Variants in FAM20C observed in about 807,000 individuals in gnomAD.
The protein encoded by FAM20C is extracellular serine/threonine protein kinase FAM20C.
In FAM20C, 40 loss-of-function variants were observed where a neutral mutation model predicts 51.5. That is an observed-to-expected ratio of 0.78 (90% CI 0.60 to 1.01). The LOEUF is 1.01. Among genes scored for constraint, FAM20C ranks in the 50% least tolerant of loss-of-function variants. FAM20C has a pLI of 0.00. For synonymous variants in FAM20C, 406 were observed against 380.6 expected, an observed-to-expected ratio of 1.07 and a Z score of -0.78; for missense variants, 861 against 844.7, an observed-to-expected ratio of 1.02 and a Z score of -0.24.
chr7:200,814 G>A lies in FAM20C; in HGVS notation c.784+5082G>A, dbSNP rs565930845. On this transcript the variant is annotated intron_variant, in intron 2 of 9. Transcript: ENST00000313766. ...GTCACTTGAGGCCTCCAGGAGAGTC[G>A]AGGACTGGCAGATCCAGGTCCAGAG... Among the ~76,000 whole-genome samples, 20 of 152,240 alleles carry A rather than the reference G, an allele frequency of 1.3e-4. 1 individual carries two copies. The South Asian group carries it at 3.7e-3, about 28-fold the overall frequency.
At chr7:251,857 A>T (rs1050396817) in intron 5 of FAM20C, among the ~76,000 whole-genome samples, 1 of 152,150 alleles carries the variant, frequency 6.6e-6, no homozygotes, top group South Asian at 2.1e-4. Context: ...AGGCCCCAAC[A>T]GTTCCATGTC....
rs1787635393 is a variant in FAM20C, at chr7:230,705, A to G, written c.864-15710A>G. 2.0e-5 allele frequency among the ~76,000 whole-genome samples: 3 copies of G among 152,236 alleles called. No homozygotes were observed. In the South Asian group the frequency reaches 6.2e-4, roughly 32 times the overall value. Reference sequence around the variant, plus strand: ...TCTGAGGATAGAGCCTGGCACATGGAAAGTCCTGTGTGTTTACTGCCCTCA... The same window carrying G: ...TCTGAGGATAGAGCCTGGCACATGGGAAGTCCTGTGTGTTTACTGCCCTCA... On this transcript the variant is annotated intron_variant, in intron 3 of 9. Coordinates refer to ENST00000313766, the MANE Select transcript of FAM20C (RefSeq NM_020223.4).
intron 2 of FAM20C, among the ~76,000 whole-genome samples, chr7:208,190 G>T (rs1786527794): frequency 7.0e-6 from 1 of 142,806 alleles, no homozygotes. Context: ...TGTGTCGGGG[G>T]GTGTCTGTGG....
chr7:219,183 C>T (rs887052744), intron 3 of FAM20C, among the ~76,000 whole-genome samples: 22 of 152,160 alleles, frequency 1.4e-4, no homozygotes, highest in Admixed American at 1.1e-3. Context: ...CCACCTGGGG[C>T]GAGGTTTGAG....
chr7:230,110 G>A (rs559236051), intron 3 of FAM20C, among the ~76,000 whole-genome samples: 1 of 152,256 alleles, frequency 6.6e-6, no homozygotes, highest in East Asian at 1.9e-4. Context: ...GTCTTTGGAG[G>A]TGTGGTTAAA....
At chr7:250,403 G>T in intron 5 of FAM20C, among the ~76,000 whole-genome samples, 1 of 152,094 alleles carries the variant, frequency 6.6e-6, no homozygotes, top group East Asian at 1.9e-4. Context: ...CTGGCCCACT[G>T]GTGCCTGGCC....
intron 1 of FAM20C, 108 bp downstream of exon 1, chr7:193,912 G>C: frequency 6.4e-6 from 9 of 1,399,478 alleles, no homozygotes; most frequent in African/African-American, 1.5e-5. Flanking sequence ...AAGAGGCCGG[G>C]CAGGGAGTGT....
intron 5 of FAM20C, among the ~76,000 whole-genome samples, chr7:253,485 C>T (rs1788476239): frequency 6.6e-6 from 1 of 152,202 alleles, no homozygotes; most frequent in Non-Finnish European, 1.5e-5. Context: ...TGGCTTTCTC[C>T]TTGCTGTTTG....
In FAM20C at chr7:256,040, G is replaced by C. The variant is rs1357706759; in HGVS notation, c.1253+11G>C. 2 of 1,532,678 alleles carry C rather than the reference G, an allele frequency of 1.3e-6. No individual in the cohort carries two copies. The highest frequency in any genetic ancestry group is 1.2e-5 in the South Asian group (1 of 83,902). The allele number at this position is 1,532,678 out of a possible 1,614,324, so 94.9% of individuals were successfully genotyped here. ...GCGCAAGAAGGCCGAGTGAGTGCGG[G>C]GCCGGGGGGCTGGCGTCCGGCCACC... is the stretch of plus-strand genomic sequence containing the variant. On this transcript the variant is annotated intron_variant, in intron 6 of 9. Transcript: ENST00000313766.
At chr7:256,389 T>C in intron 6 of FAM20C, 1 of 572,730 alleles carries the variant, frequency 1.7e-6, no homozygotes, top group South Asian at 2.2e-5. Flanking sequence ...GTCCAGGTCC[T>C]GTTTCCCCAC....
chr7:259,025 C>T (rs1359524080), intron 9 of FAM20C, among the ~76,000 whole-genome samples: 1 of 152,252 alleles, frequency 6.6e-6, no homozygotes, highest in Non-Finnish European at 1.5e-5. Context: ...TGCTCCCGCA[C>T]GCAGCTGCCG....
intron 3 of FAM20C, among the ~76,000 whole-genome samples, chr7:224,074 C>CG (rs1235215688): frequency 0.023 from 3,159 of 139,458 alleles, 75 homozygotes; most frequent in Non-Finnish European, 0.032. Context: ...GGCACCGTCA[C>CG]AGGGTCGCAC....
chr7:228,418 G>A (rs1336050393), intron 3 of FAM20C: 3 of 455,434 alleles, frequency 6.6e-6, no homozygotes, highest in Non-Finnish European at 1.3e-5. Context: ...GCTGGGTTGA[G>A]GAGACCCCCA....
chr7:204,568 G>A (rs1184313179), intron 2 of FAM20C, among the ~76,000 whole-genome samples: 2 of 152,278 alleles, frequency 1.3e-5, no homozygotes, highest in Non-Finnish European at 2.9e-5. Context: ...GAAATGGGGA[G>A]GGCACGTGGC....
chr7:259,377 A>T (rs36178235), intron 9 of FAM20C, among the ~76,000 whole-genome samples: 22 of 152,020 alleles, frequency 1.4e-4, no homozygotes, highest in African/African-American at 2.4e-4. Flanking sequence ...CACAGCCCGG[A>T]GGCTGATGAG....
intron 3 of FAM20C, among the ~76,000 whole-genome samples, chr7:218,076 C>T (rs370350532): frequency 6.6e-6 from 1 of 152,194 alleles, no homozygotes; most frequent in Admixed American, 6.5e-5. Context: ...CTCAGGCCTG[C>T]TGCCTGTGGG....
In FAM20C at chr7:193,516, C is replaced by A; in HGVS notation, c.317C>A (p.Ser106Ter). 1 of 1,501,846 alleles carries A rather than the reference C, an allele frequency of 6.7e-7. No homozygotes were observed. Among genetic ancestry groups the A allele is most frequent in the Non-Finnish European group, 8.9e-7 (1 of 1,122,460 alleles). 93.0% of individuals were successfully genotyped at this position (1,501,846 alleles called of 1,614,324 possible). A position where few individuals can be genotyped will look rare whatever the true frequency, so the allele number is the denominator to read the frequency against. The change falls in exon 1 of 10, where the codon TCG becomes TAG. Residue 106 changes from serine to a stop codon, truncating the protein, a stop_gained. Transcript: ENST00000313766. LOFTEE classifies it high-confidence loss of function. ...CCCTCCTCCAACCTCTCGTCCCACT[C>A]GCTGGAGAAACTGCCGCCCGCGGCC... The part of the protein sequence containing the change: ...SDPSSNLSSH[S>*]LEKLPPAAEP...
chr7:220,118 G>A (rs73252807), intron 3 of FAM20C, among the ~76,000 whole-genome samples: 8,839 of 152,296 alleles, frequency 0.058, 456 homozygotes, highest in East Asian at 0.21. Flanking sequence ...TTGCAGGAAG[G>A]TTGATCCACC....
At chr7:231,247 C>A (rs2115118265) in intron 3 of FAM20C, among the ~76,000 whole-genome samples, 1 of 152,222 alleles carries the variant, frequency 6.6e-6, no homozygotes, top group Admixed American at 6.5e-5. Flanking sequence ...CCCTGGAGGG[C>A]AGAGCAGGAG....
Sources: gnomAD v4.1 joint callset for allele counts (sites outside exome capture counted in the v4.1 genomes callset) on GRCh38, gnomAD v4.1.1 for gene constraint, MANE v1.5 for transcripts, NCBI Gene and HGNC (gene_info 2026-07-23, HGNC 2026-07-21) for gene names.